SCAPER: variants seen among roughly 807,000 people sequenced by gnomAD.
The protein encoded by SCAPER is S phase cyclin A-associated protein in the endoplasmic reticulum.
SCAPER carries 98 observed loss-of-function variants against 182.2 expected under a neutral mutation model. The observed-to-expected ratio is 0.54, with a 90% CI of 0.46 to 0.64. The LOEUF is 0.64. Among genes scored for constraint, SCAPER ranks in the 30% least tolerant of loss-of-function variants. The pLI, the probability that SCAPER is intolerant of heterozygous loss-of-function variation, is 0.00. For synonymous variants in SCAPER, 605 were observed against 564.6 expected (o/e 1.07, Z -1.01); for missense variants, 1,432 against 1,690.0 (o/e 0.85, Z 2.68).
Position 76,726,155 on chromosome 15 carries a change from A to ATATATATATATATATATATAT in SCAPER, c.2165+2439_2165+2440insATATATATATATATATATATA, listed in dbSNP as rs1491513286. Among the ~76,000 whole-genome samples the ATATATATATATATATATATAT allele has an allele frequency of 5.2e-4, 51 of 97,282 alleles. 17 individuals are homozygous for ATATATATATATATATATATAT. Among genetic ancestry groups the ATATATATATATATATATATAT allele is most frequent in the African/African-American group, 7.0e-4 (17 of 24,240 alleles). The allele number at this position is 97,282 out of a possible 152,430, so 63.8% of individuals were successfully genotyped here. On this transcript the variant is annotated intron_variant, in intron 17 of 31. Coordinates refer to ENST00000563290, the MANE Select transcript of SCAPER (RefSeq NM_020843.4). The stretch of plus-strand genomic sequence containing the variant: ...TATATATATATATATATATATATAT[A>ATATATATATATATATATATAT]AAAAACTCTATAACCCAACAAGAAA...
At chr15:76,526,013 C>T (rs2043170307) in intron 23 of SCAPER, among the ~76,000 whole-genome samples, 2 of 152,132 alleles carry the variant, frequency 1.3e-5, no homozygotes, top group Admixed American at 1.3e-4. Context: ...TCAGCCTTGC[C>T]AGCATCTGTG....
chr15:76,837,400 T>C (rs1031869334), intron 5 of SCAPER, among the ~76,000 whole-genome samples: 17 of 152,166 alleles, frequency 1.1e-4, no homozygotes, highest in Admixed American at 2.0e-4. Flanking sequence ...AGAAAACTTA[T>C]GATCATGGTG....
In SCAPER at chr15:76,429,757, C is replaced by T. The variant is rs183135736; in HGVS notation, c.3311+4321G>A. On this transcript the variant is annotated intron_variant, in intron 26 of 31. Transcript: ENST00000563290. ...GTTTGGAAAATTTGCAGCCTGACTACGCGATAGAAAAGAAAATCCCATTTT... is the reference window on the plus strand; with the variant it reads ...GTTTGGAAAATTTGCAGCCTGACTATGCGATAGAAAAGAAAATCCCATTTT... Among the ~76,000 whole-genome samples the T allele has an allele frequency of 4.6e-5, 7 of 152,192 alleles. No homozygotes were observed. In the East Asian group the frequency reaches 5.8e-4, roughly 13 times the overall value.
intron 21 of SCAPER, among the ~76,000 whole-genome samples, chr15:76,652,343 T>TACACACACAC (rs1230104329): frequency 8.2e-5 from 1 of 12,234 alleles, no homozygotes; most frequent in African/African-American, 3.5e-4. Context: ...TACACATATA[T>TACACACACAC]ACACACACAC....
chr15:76,582,706 A>C lies in SCAPER; in HGVS notation c.2712-8422T>G, dbSNP rs370875259. 2.4e-4 allele frequency among the ~76,000 whole-genome samples: 37 copies of C among 152,368 alleles called. No homozygotes were observed. In the East Asian group the frequency reaches 4.8e-3, roughly 20 times the overall value. Reference sequence around the variant, plus strand: ...ACTATCTGACCTCAAAGTATACTACAAAGCTATAGTAACCAAAACAGCATG... The same window carrying C: ...ACTATCTGACCTCAAAGTATACTACCAAGCTATAGTAACCAAAACAGCATG... On this transcript the variant is annotated intron_variant, in intron 22 of 31. Transcript: ENST00000563290.
intron 26 of SCAPER, among the ~76,000 whole-genome samples, chr15:76,422,957 C>T (rs1350292549): frequency 7.4e-5 from 11 of 149,206 alleles, no homozygotes; most frequent in South Asian, 2.1e-4. Context: ...GCCTTGCATC[C>T]CAGGGATGAA....
At chr15:76,470,025 TC>T (rs2050014490) in intron 25 of SCAPER, among the ~76,000 whole-genome samples, 1 of 152,200 alleles carries the variant, frequency 6.6e-6, no homozygotes, top group African/African-American at 2.4e-5. Context: ...GTGCAACAGT[TC>T]CAGATCTGTA....
chr15:76,486,518 A>G (rs2143098696), intron 24 of SCAPER, among the ~76,000 whole-genome samples: 1 of 152,314 alleles, frequency 6.6e-6, no homozygotes, highest in Middle Eastern at 3.4e-3. Context: ...TATAATAAAA[A>G]AAAAACCCCA....
At chr15:76,887,046 T>C (rs1365718928) in intron 1 of SCAPER, among the ~76,000 whole-genome samples, 1 of 152,106 alleles carries the variant, frequency 6.6e-6, no homozygotes, top group African/African-American at 2.4e-5. Context: ...AAATAATTGA[T>C]GGGTACTAGG....
intron 9 of SCAPER, among the ~76,000 whole-genome samples, chr15:76,772,681 T>C (rs1173071057): frequency 6.6e-6 from 1 of 151,936 alleles, no homozygotes; most frequent in African/African-American, 2.4e-5. Context: ...AAATACAATA[T>C]AAAAAGCAAA....
chr15:76,633,168 G>T (rs1334491224), intron 21 of SCAPER, among the ~76,000 whole-genome samples: 2 of 152,016 alleles, frequency 1.3e-5, no homozygotes, highest in East Asian at 1.9e-4. Flanking sequence ...TCACAGTCAG[G>T]TCCCTCTTCT....
intron 15 of SCAPER, among the ~76,000 whole-genome samples, chr15:76,743,312 C>G (rs141479320): frequency 1.3e-5 from 2 of 152,096 alleles, no homozygotes; most frequent in African/African-American, 2.4e-5. Flanking sequence ...CAACTGAGAG[C>G]ACCAACAGGT....
intron 22 of SCAPER, among the ~76,000 whole-genome samples, chr15:76,589,261 G>A (rs891542185): frequency 6.6e-6 from 1 of 152,098 alleles, no homozygotes; most frequent in Admixed American, 6.5e-5. Flanking sequence ...ATCTGGCGGT[G>A]GGTGGGGCCC....
At chr15:76,489,246 C>A in intron 24 of SCAPER, among the ~76,000 whole-genome samples, 1 of 136,086 alleles carries the variant, frequency 7.3e-6, no homozygotes, top group Non-Finnish European at 1.6e-5. Context: ...AGAAAAAAAC[C>A]ACAATTACTT....
chr15:76,637,722 T>TTTTATA (rs1555512837), intron 21 of SCAPER, among the ~76,000 whole-genome samples: 1 of 77,850 alleles, frequency 1.3e-5, no homozygotes, highest in Non-Finnish European at 2.5e-5. Context: ...ATATATGTGA[T>TTTTATA]TATATATATA....
At chr15:76,391,939 T>C (rs556559886) in intron 27 of SCAPER, among the ~76,000 whole-genome samples, 3 of 152,140 alleles carry the variant, frequency 2.0e-5, no homozygotes, top group African/African-American at 7.2e-5. Context: ...TAGGACTGGA[T>C]TGGATTCTGG....
intron 22 of SCAPER, among the ~76,000 whole-genome samples, chr15:76,600,530 A>C (rs555382576): frequency 8.9e-6 from 1 of 112,680 alleles, no homozygotes; most frequent in African/African-American, 2.6e-5. Flanking sequence ...ACCCACTGCA[A>C]CCTCCGCCTC....
intron 25 of SCAPER, among the ~76,000 whole-genome samples, chr15:76,469,998 A>G (rs1186693926): frequency 6.6e-6 from 1 of 152,084 alleles, no homozygotes; most frequent in South Asian, 2.1e-4. Context: ...ATCACTATAA[A>G]AAGCCATTGT....
chr15:76,864,319 C>T (rs923359258), intron 2 of SCAPER, among the ~76,000 whole-genome samples: 11 of 152,204 alleles, frequency 7.2e-5, no homozygotes, highest in Admixed American at 4.6e-4. Context: ...CTGTTCAATT[C>T]TAATATACAC....
Sources: gnomAD v4.1 joint callset for allele counts (sites outside exome capture counted in the v4.1 genomes callset) on GRCh38, gnomAD v4.1.1 for gene constraint, MANE v1.5 for transcripts, NCBI Gene and HGNC (gene_info 2026-07-23, HGNC 2026-07-21) for gene names.